SPIRE1: variants seen among roughly 807,000 people sequenced by gnomAD.
The protein encoded by SPIRE1 is protein spire homolog 1.
In SPIRE1, 40 loss-of-function variants were observed where a neutral mutation model predicts 94.1. The ratio of observed to expected loss-of-function variants is 0.43; its 90% CI spans 0.33 to 0.55. The LOEUF (loss-of-function observed/expected upper bound fraction) is 0.55. Ranked by LOEUF, SPIRE1 falls within the 20% of genes least tolerant of loss-of-function variation. The pLI, the probability that SPIRE1 is intolerant of heterozygous loss-of-function variation, is 0.06. For missense variants in SPIRE1, 838 were observed against 975.2 expected, an observed-to-expected ratio of 0.86 and a Z score of 1.87; for synonymous variants, 376 against 371.7, an observed-to-expected ratio of 1.01 and a Z score of -0.13.
At chr18:12,573,742 C>CT (rs34163475) in intron 2 of SPIRE1, among the ~76,000 whole-genome samples, 62,410 of 149,620 alleles carry the variant, frequency 0.42, 15,146 homozygotes, top group East Asian at 0.59. Flanking sequence ...TTTAATTTTT[C>CT]TTTTTTTTTT....
At chr18:12,607,606 C>T (rs398041488) in intron 2 of SPIRE1, among the ~76,000 whole-genome samples, 28,179 of 111,012 alleles carry the variant, frequency 0.25, 2,936 homozygotes, top group Middle Eastern at 0.33. Context: ...TACACACACA[C>T]ACACACACAC....
chr18:12,521,394 C>G (rs1023208272), intron 4 of SPIRE1, among the ~76,000 whole-genome samples: 3 of 151,400 alleles, frequency 2.0e-5, no homozygotes, highest in Non-Finnish European at 4.4e-5. Flanking sequence ...TGCAGTGGCA[C>G]GTGATCTCAG....
intron 2 of SPIRE1, among the ~76,000 whole-genome samples, chr18:12,606,316 T>C (rs2036974699): frequency 6.6e-6 from 1 of 151,964 alleles, no homozygotes; most frequent in African/African-American, 2.4e-5. Flanking sequence ...GTCTGGCACA[T>C]TAAGTTCTCT....
chr18:12,606,284 C>A (rs1214341113), intron 2 of SPIRE1, among the ~76,000 whole-genome samples: 3 of 152,052 alleles, frequency 2.0e-5, no homozygotes, highest in Non-Finnish European at 4.4e-5. Context: ...TATTGACATA[C>A]AACCCAGTGC....
At chr18:12,561,263 G>A (rs1473796297) in intron 2 of SPIRE1, among the ~76,000 whole-genome samples, 2 of 145,534 alleles carry the variant, frequency 1.4e-5, no homozygotes, top group Non-Finnish European at 3.0e-5. Flanking sequence ...AACTAGAATA[G>A]ATCAATTTTT....
At chr18:12,502,845 T>C (rs1208871880) in intron 6 of SPIRE1, among the ~76,000 whole-genome samples, 1 of 152,102 alleles carries the variant, frequency 6.6e-6, no homozygotes, top group Non-Finnish European at 1.5e-5. Context: ...CGGTGGCTCA[T>C]GCTTGTAATC....
At chr18:12,607,592 G>C (rs1380305716) in intron 2 of SPIRE1, among the ~76,000 whole-genome samples, 1 of 105,632 alleles carries the variant, frequency 9.5e-6, no homozygotes, top group Non-Finnish European at 1.8e-5. Flanking sequence ...CTACTCCACA[G>C]CACTACACAC....
chr18:12,502,666 A>G lies in SPIRE1; in HGVS notation c.972+3811T>C, dbSNP rs9947085. On this transcript the variant is annotated intron_variant, in intron 6 of 16. Transcript: ENST00000409402. The stretch of plus-strand genomic sequence containing the variant: ...ATATTGATCTATTCATCTCACCAAT[A>G]AAAATTTAAACCATGGGGATAATTG... Among the ~76,000 whole-genome samples the G allele has an allele frequency of 5.2e-3, 799 of 152,326 alleles. 5 individuals are homozygous for G. The highest frequency in any genetic ancestry group is 0.018 in the African/African-American group (759 of 41,584).
intron 9 of SPIRE1, among the ~76,000 whole-genome samples, chr18:12,482,245 C>T (rs1598916442): frequency 6.6e-6 from 1 of 152,090 alleles, no homozygotes; most frequent in South Asian, 2.1e-4. Flanking sequence ...TGGGTTCAAG[C>T]GATTCTCCTG....
chr18:12,617,393 TTTGTTTTAG>T (rs1466413811), intron 2 of SPIRE1, among the ~76,000 whole-genome samples: 35 of 151,492 alleles, frequency 2.3e-4, no homozygotes, highest in Admixed American at 2.2e-3. Flanking sequence ...CTTTTTGTTT[TTTGTTTTAG>T]TTGTTTTTTG....
At chr18:12,574,084 T>C (rs570278864) in intron 2 of SPIRE1, among the ~76,000 whole-genome samples, 5 of 152,324 alleles carry the variant, frequency 3.3e-5, no homozygotes, top group Admixed American at 3.3e-4. Context: ...GTAGTAAATG[T>C]ACTACATGAA....
At chr18:12,641,204 T>C (rs887119754) in intron 1 of SPIRE1, among the ~76,000 whole-genome samples, 1 of 152,146 alleles carries the variant, frequency 6.6e-6, no homozygotes, top group African/African-American at 2.4e-5. Flanking sequence ...ACAACAACCA[T>C]TAGTTTAAGA....
rs184108971 is a variant in SPIRE1, at chr18:12,655,954, A to G, written c.337+1576T>C. ...CGCTCTGTCACCCAGGCTGGAGTGC[A>G]GTGGCGCGATCTCAGCTCACTACAG... On this transcript the variant is annotated intron_variant, in intron 1 of 16. Transcript: ENST00000409402. 1.1e-3 allele frequency among the ~76,000 whole-genome samples: 173 copies of G among 152,204 alleles called. 1 individual carries two copies. Among genetic ancestry groups the G allele is most frequent in the African/African-American group, 3.8e-3 (157 of 41,536 alleles).
chr18:12,645,734 G>A (rs1598579664), intron 1 of SPIRE1, among the ~76,000 whole-genome samples: 1 of 152,144 alleles, frequency 6.6e-6, no homozygotes, highest in Non-Finnish European at 1.5e-5. Context: ...TCTAAAAAGA[G>A]TAATCTGCTT....
intron 1 of SPIRE1, chr18:12,636,379 T>TA (rs1260703233): frequency 6.6e-6 from 1 of 152,084 alleles, no homozygotes; most frequent in Non-Finnish European, 1.5e-5. Context: ...TTTTAGTACT[T>TA]AACTAGAATT....
intron 3 of SPIRE1, among the ~76,000 whole-genome samples, chr18:12,544,493 C>CG (rs1345643395): frequency 2.6e-5 from 4 of 151,460 alleles, no homozygotes; most frequent in Non-Finnish European, 5.9e-5. Flanking sequence ...CATCAGCTAT[C>CG]GCGCCCAGTC....
rs2035619244 is a variant in SPIRE1 at position 12,559,363 on chromosome 18, CGCCAGCCGGCAG to C, written c.373-12471_373-12460del. Among the ~76,000 whole-genome samples the C allele has an allele frequency of 1.3e-5, 2 of 152,302 alleles. No homozygotes were observed. Among genetic ancestry groups the C allele is most frequent in the African/African-American group, 4.8e-5 (2 of 41,574 alleles). On this transcript the variant is annotated intron_variant, in intron 2 of 16. Transcript: ENST00000409402. This position sits in a 1 kb window ranked among gnomAD's most constrained non-coding sequence, Gnocchi z 4.7. ...AGCCTCTCATTGCCCGGGCCGGCGT[CGCCAGCCGGCAG>C]CTCTGAGTGCTGGCCGGGCGAGACT... is the stretch of plus-strand genomic sequence containing the variant.
chr18:12,520,052 G>A (rs1324402365), intron 4 of SPIRE1, among the ~76,000 whole-genome samples: 1 of 152,080 alleles, frequency 6.6e-6, no homozygotes, highest in Non-Finnish European at 1.5e-5. Context: ...TATAGGACTA[G>A]TTAAACTCAT....
chr18:12,650,044 G>A (rs1157757075), intron 1 of SPIRE1, among the ~76,000 whole-genome samples: 1 of 151,922 alleles, frequency 6.6e-6, no homozygotes, highest in African/African-American at 2.4e-5. Context: ...TTTGAGACCA[G>A]CATGATCAAT....
Sources: allele counts gnomAD v4.1 joint callset (sites outside exome capture counted in the v4.1 genomes callset), GRCh38; gene constraint gnomAD v4.1.1; non-coding constraint Gnocchi (gnomAD v3.1); transcripts MANE v1.5; gene names NCBI Gene and HGNC (gene_info 2026-07-23, HGNC 2026-07-21).